COL4A5: variants seen among roughly 807,000 people sequenced by gnomAD.
COL4A5 encodes the protein collagen alpha-5(IV) chain.
Under a neutral mutation model 130.2 loss-of-function variants are expected in COL4A5, and 26 were observed. That is an observed-to-expected ratio of 0.20 (90% CI 0.15 to 0.28). The LOEUF (loss-of-function observed/expected upper bound fraction) is 0.28. Among genes scored for constraint, COL4A5 ranks in the 10% least tolerant of loss-of-function variants. COL4A5 has a pLI of 1.00. For synonymous variants in COL4A5, 496 were observed against 439.6 expected (o/e 1.13, Z -1.60); for missense variants, 1,131 against 1,344.3 (o/e 0.84, Z 2.48).
chrX:108,585,432 T>C (rs1173562988), intron 18 of COL4A5, among the ~76,000 whole-genome samples: 1 of 112,146 alleles, frequency 8.9e-6, no homozygotes, highest in Non-Finnish European at 1.9e-5. Flanking sequence ...AATCTCTTTA[T>C]AAAATGAGAA....
chrX:108,494,949 C>T (rs1246836218), intron 1 of COL4A5, among the ~76,000 whole-genome samples: 1 of 111,072 alleles, frequency 9.0e-6, no homozygotes, highest in African/African-American at 3.3e-5. Context: ...AATCACTCTA[C>T]ATGATATTAT....
chrX:108,670,237 G>A lies in COL4A5; in HGVS notation c.3799+1G>A. 1 of 1,210,503 alleles carries A rather than the reference G, an allele frequency of 8.3e-7. No individual in the cohort carries two copies. On this transcript the variant is annotated splice_donor_variant, in intron 42 of 52. Coordinates refer to ENST00000328300, the MANE Select transcript of COL4A5 (RefSeq NM_033380.3). LOFTEE classifies it high-confidence loss of function. ...TTTGATCCCTATCCAGGTCCTACAG[G>A]TTAGCTCCTTAACTCCAAAGTAGTA...
At chrX:108,688,441 TG>T (rs1486322104) in intron 49 of COL4A5, among the ~76,000 whole-genome samples, 20 of 109,586 alleles carry the variant, frequency 1.8e-4, no homozygotes, top group Non-Finnish European at 2.8e-4. Context: ...GTTGTTGTGT[TG>T]TTTTTTTTTT....
chrX:108,610,057 A>C (rs189079558), intron 29 of COL4A5, among the ~76,000 whole-genome samples: 4 of 108,821 alleles, frequency 3.7e-5, no homozygotes, highest in African/African-American at 1.3e-4. Context: ...TCTTACTGTG[A>C]GTGAGATTGG....
intron 50 of COL4A5, among the ~76,000 whole-genome samples, chrX:108,693,318 C>T (rs1218184112): frequency 9.0e-6 from 1 of 111,228 alleles, no homozygotes. Flanking sequence ...CTGGTCAGTC[C>T]TTGAATGACT....
chrX:108,483,225 G>GTA (rs1556363030), intron 1 of COL4A5, among the ~76,000 whole-genome samples: 8 of 105,423 alleles, frequency 7.6e-5, no homozygotes, highest in African/African-American at 2.7e-4. Context: ...GTGTGTGTAT[G>GTA]TGTGTGTGTG....
chrX:108,457,778 G>T (rs12116157), intron 1 of COL4A5, among the ~76,000 whole-genome samples: 8,201 of 111,154 alleles, frequency 0.074, 764 homozygotes, highest in African/African-American at 0.25. Context: ...TCTATTTTCT[G>T]TTCCTATAAT....
At chrX:108,668,576 A>T in intron 41 of COL4A5, 72 bp downstream of exon 41, 1 of 885,156 alleles carries the variant, frequency 1.1e-6, no homozygotes, top group Non-Finnish European at 1.5e-6. Flanking sequence ...CAGGTTATTC[A>T]GTCTTTAAGA....
intron 1 of COL4A5, among the ~76,000 whole-genome samples, chrX:108,510,633 TAGAAC>T (rs2065171769): frequency 9.0e-6 from 1 of 111,483 alleles, no homozygotes; most frequent in Non-Finnish European, 1.9e-5. Flanking sequence ...GGAAAGGAAT[TAGAAC>T]AGAGAGAAAA....
At chrX:108,569,443 G>C (rs946477780) in intron 6 of COL4A5, among the ~76,000 whole-genome samples, 2 of 111,016 alleles carry the variant, frequency 1.8e-5, no homozygotes, top group Non-Finnish European at 3.8e-5. Flanking sequence ...CTGTTGGATT[G>C]AATATAAAGT....
intron 36 of COL4A5, among the ~76,000 whole-genome samples, chrX:108,649,014 G>T (rs1004323658): frequency 9.0e-6 from 1 of 111,502 alleles, no homozygotes; most frequent in African/African-American, 3.3e-5. Context: ...CCAGAAAGCT[G>T]CTAGAACTGA....
chrX:108,553,869 T>C (rs1348616719), intron 2 of COL4A5, among the ~76,000 whole-genome samples: 3 of 112,049 alleles, frequency 2.7e-5, no homozygotes, highest in East Asian at 2.8e-4. Context: ...AGTATACCTC[T>C]ACAATGGAAT....
intron 1 of COL4A5, among the ~76,000 whole-genome samples, chrX:108,451,350 G>C (rs1603244967): frequency 9.1e-6 from 1 of 110,444 alleles, no homozygotes; most frequent in South Asian, 3.8e-4. Context: ...AGTCCTTTGG[G>C]TATATACCCA....
At position 108,481,140 on chromosome X, in the gene COL4A5, C is replaced by G. The variant is rs953133525; in HGVS notation, c.81+40934C>G. Among the ~76,000 whole-genome samples, 3 of 111,175 alleles carry G rather than the reference C, an allele frequency of 2.7e-5. No homozygotes were observed. The Admixed American group carries it at 2.9e-4, about 11-fold the overall frequency. On this transcript the variant is annotated intron_variant, in intron 1 of 52. Coordinates refer to ENST00000328300, the MANE Select transcript of COL4A5 (RefSeq NM_033380.3). Reference sequence around the variant, plus strand: ...ACCTGAGCTAAAACTCCATTAATTACCTGACTTTCATAAGCCCCTACTTTA... The same window carrying G: ...ACCTGAGCTAAAACTCCATTAATTAGCTGACTTTCATAAGCCCCTACTTTA...
intron 19 of COL4A5, among the ~76,000 whole-genome samples, chrX:108,590,483 A>AT (rs1481758459): frequency 2.7e-5 from 3 of 111,795 alleles, no homozygotes; most frequent in African/African-American, 9.7e-5. Context: ...TAAACAGTTG[A>AT]TTCTACCAAA....
chrX:108,641,482 C>G (rs1450157921), intron 36 of COL4A5, among the ~76,000 whole-genome samples: 1 of 111,762 alleles, frequency 8.9e-6, no homozygotes, highest in Non-Finnish European at 1.9e-5. Context: ...AACAACAAAC[C>G]AGTAATCACA....
In COL4A5 at chrX:108,478,063, T is replaced by C. The variant is rs926642051; in HGVS notation, c.81+37857T>C. ...CTATCTGGATTGCATTGTTGTAGTT[T>C]CCCATTGACCTTAATCACAGAGATG... is the stretch of plus-strand genomic sequence containing the variant. On this transcript the variant is annotated intron_variant, in intron 1 of 52. Coordinates refer to ENST00000328300, the MANE Select transcript of COL4A5 (RefSeq NM_033380.3). Among the ~76,000 whole-genome samples, 3 of 111,062 alleles carry C rather than the reference T, an allele frequency of 2.7e-5. 1 individual carries two copies. In the Admixed American group the frequency reaches 2.9e-4, roughly 11 times the overall value.
chrX:108,546,018 G>T (rs193291556), intron 2 of COL4A5, among the ~76,000 whole-genome samples: 7 of 111,527 alleles, frequency 6.3e-5, no homozygotes, highest in Non-Finnish European at 1.3e-4. Context: ...ACATGAGATG[G>T]GTCTCCTGAA....
intron 1 of COL4A5, among the ~76,000 whole-genome samples, chrX:108,533,907 C>T: frequency 9.0e-6 from 1 of 110,991 alleles, no homozygotes; most frequent in Non-Finnish European, 1.9e-5. Context: ...AGACATTTCT[C>T]ATAAAAAAGA....
Sources: gnomAD v4.1 joint callset for allele counts (sites outside exome capture counted in the v4.1 genomes callset) on GRCh38, gnomAD v4.1.1 for gene constraint, MANE v1.5 for transcripts, NCBI Gene and HGNC (gene_info 2026-07-23, HGNC 2026-07-21) for gene names.